The following FHIP1A variants were observed in gnomAD, a reference collection of about 807,000 sequenced individuals.
FHIP1A encodes FHF complex subunit HOOK-interacting protein 1A.
A neutral mutation model predicts 88.6 loss-of-function variants in FHIP1A; 61 were observed. That is an observed-to-expected ratio of 0.69 (90% CI 0.56 to 0.85). The LOEUF is 0.85. FHIP1A is among the 40% of genes least tolerant of loss of function. The probability of loss-of-function intolerance (pLI) is 0.00; values close to 1 mark genes in which losing one functional copy is unlikely to be tolerated. For synonymous variants in FHIP1A, 478 were observed against 496.0 expected (o/e 0.96, Z 0.48); for missense variants, 1,154 against 1,273.5 (o/e 0.91, Z 1.43).
chr4:151,565,991 C>T, intron 3 of FHIP1A, 147 bp from the exon 4 acceptor site: 1 of 237,488 alleles, frequency 4.2e-6, no homozygotes, highest in Non-Finnish European at 8.2e-6. Context: ...ACAGGAGAGC[C>T]TTTAGATTGA....
At chr4:151,438,538 A>C (rs1390156597) in intron 1 of FHIP1A, among the ~76,000 whole-genome samples, 4 of 152,076 alleles carry the variant, frequency 2.6e-5, no homozygotes, top group Non-Finnish European at 5.9e-5. Flanking sequence ...AAAACAAAAA[A>C]ATCTACCTCA....
intron 7 of FHIP1A, among the ~76,000 whole-genome samples, chr4:151,626,057 A>G (rs904030341): frequency 2.6e-5 from 4 of 152,218 alleles, no homozygotes; most frequent in African/African-American, 4.8e-5. Context: ...GTATGTTTGC[A>G]TATATATGTA....
intron 3 of FHIP1A, among the ~76,000 whole-genome samples, chr4:151,532,708 G>C (rs1362629038): frequency 6.6e-6 from 1 of 152,182 alleles, no homozygotes; most frequent in Non-Finnish European, 1.5e-5. Flanking sequence ...CAGATAGTAG[G>C]AGAAGACATA....
At chr4:151,431,733 C>A (rs1006758579) in intron 1 of FHIP1A, among the ~76,000 whole-genome samples, 5 of 152,080 alleles carry the variant, frequency 3.3e-5, no homozygotes, top group African/African-American at 9.7e-5. Flanking sequence ...AAATAATGAC[C>A]CATTCAAGTT....
chr4:151,433,025 T>C (rs1175507492), intron 1 of FHIP1A, among the ~76,000 whole-genome samples: 1 of 152,168 alleles, frequency 6.6e-6, no homozygotes, highest in Non-Finnish European at 1.5e-5. Context: ...AATGGAAAGA[T>C]ACAGCTTATT....
chr4:151,440,683 C>G (rs1482264575), intron 1 of FHIP1A, among the ~76,000 whole-genome samples: 2 of 152,120 alleles, frequency 1.3e-5, no homozygotes, highest in Non-Finnish European at 2.9e-5. Flanking sequence ...GTAGATGGAG[C>G]TGAATCTTCT....
chr4:151,539,096 C>A (rs993901220), intron 3 of FHIP1A, among the ~76,000 whole-genome samples: 1 of 152,174 alleles, frequency 6.6e-6, no homozygotes, highest in Non-Finnish European at 1.5e-5. Flanking sequence ...ATATAGATAG[C>A]AGTATATGCT....
chr4:151,435,784 CA>C lies in FHIP1A; in HGVS notation c.-355-18897del, dbSNP rs202118440. 7.7e-3 allele frequency among the ~76,000 whole-genome samples: 940 copies of C among 121,386 alleles called. 7 individuals are homozygous for C. The highest frequency in any genetic ancestry group is 0.018 in the African/African-American group (597 of 33,256). 79.6% of individuals were successfully genotyped at this position (121,386 alleles called of 152,430 possible). On this transcript the variant is annotated intron_variant, in intron 1 of 13. Coordinates refer to ENST00000435205, the MANE Select transcript of FHIP1A (RefSeq NM_001109977.3). ...TGGGTGACAGAGTGAAACTCTGTGT[CA>C]AAAAAAAAAAAAAAAAAAATTCTAA...
chr4:151,429,971 A>G (rs757363457), intron 1 of FHIP1A, among the ~76,000 whole-genome samples: 5 of 152,218 alleles, frequency 3.3e-5, no homozygotes, highest in African/African-American at 9.6e-5. Context: ...TGAAAATTTC[A>G]AAGGAATGTT....
intron 3 of FHIP1A, among the ~76,000 whole-genome samples, chr4:151,511,743 G>A (rs1055985758): frequency 2.6e-5 from 4 of 152,232 alleles, no homozygotes; most frequent in Non-Finnish European, 4.4e-5. Context: ...AGGGGCGCCC[G>A]CCATTGCCCA....
intron 13 of FHIP1A, 103 bp downstream of exon 13, chr4:151,657,001 A>C: frequency 8.6e-7 from 1 of 1,158,928 alleles, no homozygotes; most frequent in Non-Finnish European, 1.2e-6. Context: ...TGGATCCTAG[A>C]AGCATTCAGA....
At chr4:151,485,295 T>TTTTTTTTA in intron 3 of FHIP1A, among the ~76,000 whole-genome samples, 1 of 150,788 alleles carries the variant, frequency 6.6e-6, no homozygotes, top group African/African-American at 2.4e-5. Flanking sequence ...TTTTTTTTTT[T>TTTTTTTTA]TTTTTTTGTC....
chr4:151,603,101 G>A lies in FHIP1A; in HGVS notation c.978+14175G>A, dbSNP rs1011582470. 3.3e-5 allele frequency among the ~76,000 whole-genome samples: 5 copies of A among 152,128 alleles called. No homozygotes were observed. The East Asian group carries it at 9.7e-4, about 29-fold the overall frequency. ...GCCAAGGTGGGTGGATCACGAGGTC[G>A]GGAGTTAGAGACCAGCCTGGCCAAT... is the stretch of plus-strand genomic sequence containing the variant. On this transcript the variant is annotated intron_variant, in intron 7 of 13. Transcript: ENST00000435205.
intron 7 of FHIP1A, among the ~76,000 whole-genome samples, chr4:151,623,086 C>G (rs1735808506): frequency 6.6e-6 from 1 of 152,270 alleles, no homozygotes; most frequent in Non-Finnish European, 1.5e-5. Context: ...AAGCAGTAAC[C>G]CTTCAACTTG....
chr4:151,498,059 C>A (rs1730524642), intron 3 of FHIP1A, among the ~76,000 whole-genome samples: 1 of 152,176 alleles, frequency 6.6e-6, no homozygotes, highest in African/African-American at 2.4e-5. Flanking sequence ...CCACTGACCC[C>A]CTCTCTCTGC....
At chr4:151,588,449 G>A (rs1347892291) in intron 6 of FHIP1A, among the ~76,000 whole-genome samples, 1 of 152,056 alleles carries the variant, frequency 6.6e-6, no homozygotes, top group East Asian at 1.9e-4. Flanking sequence ...ATGTGATTTA[G>A]AAGAAAGTAA....
rs13353741 is a variant in FHIP1A, at chr4:151,656,950, C to T, written c.2869+52C>T. 7.1e-3 allele frequency: 10,570 copies of T among 1,495,658 alleles called. 561 individuals carry two copies. The African/African-American group carries it at 0.12, about 17-fold the overall frequency. The allele number at this position is 1,495,658 out of a possible 1,614,324, so 92.6% of individuals were successfully genotyped here. On this transcript the variant is annotated intron_variant, in intron 13 of 13. Transcript: ENST00000435205. The surrounding 1 kb of genome is among the most constrained non-coding windows in gnomAD (Gnocchi z 4.2). Reference sequence around the variant, plus strand: ...CTCCTTAAATTCCTCCTCCACGTCCCTGGCCTACTGGCCTCAGTTCACAGA... The same window carrying T: ...CTCCTTAAATTCCTCCTCCACGTCCTTGGCCTACTGGCCTCAGTTCACAGA...
chr4:151,577,350 C>T, intron 4 of FHIP1A, 100 bp from the exon 5 acceptor site: 1 of 1,128,024 alleles, frequency 8.9e-7, no homozygotes, highest in African/African-American at 1.6e-5. Flanking sequence ...TGGGCAGTGG[C>T]TCCTGCATTT....
At chr4:151,588,772 A>AT in intron 6 of FHIP1A, 68 bp from the exon 7 acceptor site, 2 of 1,004,524 alleles carry the variant, frequency 2.0e-6, no homozygotes, top group Non-Finnish European at 3.1e-6. Flanking sequence ...TGTACACAGA[A>AT]TTGTTTTATT....
Sources: gnomAD v4.1 joint callset for allele counts (sites outside exome capture counted in the v4.1 genomes callset) on GRCh38, gnomAD v4.1.1 for gene constraint, Gnocchi (gnomAD v3.1) non-coding constraint, MANE v1.5 for transcripts, NCBI Gene and HGNC (gene_info 2026-07-23, HGNC 2026-07-21) for gene names.